The following ATP10B variants were observed in gnomAD, a reference collection of about 807,000 sequenced individuals.
The protein encoded by ATP10B is phospholipid-transporting ATPase VB.
A neutral mutation model predicts 141.2 loss-of-function variants in ATP10B; 122 were observed. The observed-to-expected ratio is 0.86, with a 90% CI of 0.75 to 1.00. The LOEUF (loss-of-function observed/expected upper bound fraction) is 1.00, where lower values mean the gene tolerates loss of function less well. Among genes scored for constraint, ATP10B ranks in the 50% least tolerant of loss-of-function variants. The probability of loss-of-function intolerance (pLI) is 0.00; values close to 1 mark genes in which losing one functional copy is unlikely to be tolerated. For synonymous variants in ATP10B, 685 were observed against 692.0 expected (o/e 0.99, Z 0.16); for missense variants, 1,876 against 1,825.3 (o/e 1.03, Z -0.51).
intron 6 of ATP10B, among the ~76,000 whole-genome samples, chr5:160,676,682 C>T (rs193048885): frequency 2.0e-5 from 3 of 152,190 alleles, no homozygotes; most frequent in East Asian, 1.9e-4. Flanking sequence ...TTTTTCCTAA[C>T]CTTTGGCCAT....
intron 2 of ATP10B, among the ~76,000 whole-genome samples, chr5:160,760,167 A>C (rs1768928783): frequency 6.6e-6 from 1 of 152,234 alleles, no homozygotes; most frequent in Admixed American, 6.5e-5. Context: ...GAGCACCTTG[A>C]TACCCTCAGA....
At chr5:160,911,332 T>C in the ATP10B span, among the ~76,000 whole-genome samples, 2 of 152,192 alleles carry the variant, frequency 1.3e-5, no homozygotes, top group East Asian at 3.8e-4. Context: ...TACCCTAGGT[T>C]TTAAAACAAT....
rs193016305 is a variant in ATP10B, at chr5:160,581,398, C to T, written c.3750+8194G>A. On this transcript the variant is annotated intron_variant, in intron 24 of 25. Transcript: ENST00000327245. ...AACTTCTTTATTTCTGCCTTAATTT[C>T]ATTATTTACCCAGTGGTCATTCAGG... Among the ~76,000 whole-genome samples the T allele has an allele frequency of 2.3e-3, 355 of 152,240 alleles. 2 individuals are homozygous for T. The highest frequency in any genetic ancestry group is 8.3e-3 in the African/African-American group (345 of 41,552).
chr5:160,589,788 T>A (rs1209203207), intron 23 of ATP10B, 92 bp from the exon 24 acceptor site: 5 of 913,300 alleles, frequency 5.5e-6, no homozygotes, highest in Non-Finnish European at 8.9e-6. Context: ...ATGAAGGCAG[T>A]TGTCAATGGA....
intron 6 of ATP10B, among the ~76,000 whole-genome samples, chr5:160,677,683 TTA>T (rs1468955375): frequency 6.6e-6 from 1 of 152,232 alleles, no homozygotes; most frequent in African/African-American, 2.4e-5. Flanking sequence ...AGCTAACATT[TTA>T]TGAGTGCCAC....
At chr5:160,809,452 T>C (rs1034919990) in intron 1 of ATP10B, among the ~76,000 whole-genome samples, 4 of 152,228 alleles carry the variant, frequency 2.6e-5, no homozygotes, top group South Asian at 4.1e-4. Flanking sequence ...TGCATAGTGA[T>C]GTTGCAATAC....
chr5:160,715,363 G>T (rs1454219779), intron 3 of ATP10B, among the ~76,000 whole-genome samples: 1 of 140,500 alleles, frequency 7.1e-6, no homozygotes, highest in Non-Finnish European at 1.5e-5. Flanking sequence ...ATTCGGGTGG[G>T]AGTGACCCGA....
chr5:160,727,971 A>T (rs756191639), intron 2 of ATP10B, among the ~76,000 whole-genome samples: 1 of 152,158 alleles, frequency 6.6e-6, no homozygotes, highest in Non-Finnish European at 1.5e-5. Context: ...TGCTCCTAAA[A>T]CTAATATCTG....
chr5:160,669,261 T>C (rs17058079), intron 7 of ATP10B, among the ~76,000 whole-genome samples: 5,110 of 152,342 alleles, frequency 0.034, 191 homozygotes, highest in African/African-American at 0.092. Context: ...AACTGTTCCC[T>C]GGTCTTTTAC....
the ATP10B span, among the ~76,000 whole-genome samples, chr5:160,898,543 G>A: frequency 6.6e-6 from 1 of 152,288 alleles, no homozygotes; most frequent in South Asian, 2.1e-4. Flanking sequence ...TTACACTGTT[G>A]GTGAGAGTGT....
chr5:160,737,656 T>A (rs1444636607), intron 2 of ATP10B, among the ~76,000 whole-genome samples: 2 of 151,818 alleles, frequency 1.3e-5, no homozygotes, highest in Non-Finnish European at 2.9e-5. Context: ...TAGCCACAAA[T>A]AAAATGAAAT....
chr5:160,890,174 C>T, the ATP10B span, among the ~76,000 whole-genome samples: 4 of 152,132 alleles, frequency 2.6e-5, no homozygotes, highest in Non-Finnish European at 4.4e-5. Context: ...TTGGCCCATC[C>T]TAATAAGTAA....
chr5:160,879,721 C>A, the ATP10B span, among the ~76,000 whole-genome samples: 1 of 151,916 alleles, frequency 6.6e-6, no homozygotes, highest in South Asian at 2.1e-4. Flanking sequence ...GCCTGTAGTC[C>A]CAGCTACTTG....
At chr5:160,816,190 T>TAAAAAACCCTTC (rs536526439) in intron 1 of ATP10B, among the ~76,000 whole-genome samples, 2,454 of 98,332 alleles carry the variant, frequency 0.025, 77 homozygotes, top group Middle Eastern at 0.054. Context: ...AAGAGAGACA[T>TAAAAAACCCTTC]AAAAAATGAA....
intron 1 of ATP10B, among the ~76,000 whole-genome samples, chr5:160,826,737 T>C (rs1246045367): frequency 6.6e-6 from 1 of 152,036 alleles, no homozygotes; most frequent in Non-Finnish European, 1.5e-5. Context: ...ATTAAGACCC[T>C]GGGAAAGGAA....
intron 1 of ATP10B, among the ~76,000 whole-genome samples, chr5:160,840,375 A>G (rs1347148635): frequency 2.6e-5 from 4 of 152,056 alleles, no homozygotes; most frequent in Non-Finnish European, 2.9e-5. Context: ...GTAGTGGCTC[A>G]TGAGGATACA....
the ATP10B span, among the ~76,000 whole-genome samples, chr5:160,920,523 A>C: frequency 1.4e-4 from 21 of 152,358 alleles, no homozygotes; most frequent in Admixed American, 3.3e-4. Context: ...ATCTTTGAAG[A>C]AGCACATGGA....
intron 24 of ATP10B, among the ~76,000 whole-genome samples, chr5:160,570,208 T>C (rs537973832): frequency 1.3e-5 from 2 of 152,290 alleles, no homozygotes; most frequent in East Asian, 3.9e-4. Context: ...ACTAGATGTA[T>C]ATATTTTCAG....
chr5:160,716,550 G>C (rs1382357930), intron 3 of ATP10B, among the ~76,000 whole-genome samples: 1 of 152,094 alleles, frequency 6.6e-6, no homozygotes, highest in East Asian at 1.9e-4. Flanking sequence ...CAGAATGCTA[G>C]GAAACAAAAT....
Sources: allele counts gnomAD v4.1 joint callset (sites outside exome capture counted in the v4.1 genomes callset), GRCh38; gene constraint gnomAD v4.1.1; transcripts MANE v1.5; gene names NCBI Gene and HGNC (gene_info 2026-07-23, HGNC 2026-07-21).